The following CSMD2 variants were observed in gnomAD, a reference collection of about 807,000 sequenced individuals.
The protein encoded by CSMD2 is CUB and Sushi multiple domains 2.
In CSMD2, 130 loss-of-function variants were observed where a neutral mutation model predicts 398.5. The ratio of observed to expected loss-of-function variants is 0.33; its 90% CI spans 0.28 to 0.38. CSMD2 has a LOEUF of 0.38. Ranked by LOEUF, CSMD2 falls within the 10% of genes least tolerant of loss-of-function variation. CSMD2 has a pLI of 1.00. For synonymous variants in CSMD2, 1,828 were observed against 1,908.5 expected (o/e 0.96, Z 1.10); for missense variants, 3,829 against 4,764.9 (o/e 0.80, Z 5.78).
intron 3 of CSMD2, among the ~76,000 whole-genome samples, chr1:33,939,872 G>C (rs544231616): frequency 6.6e-6 from 1 of 152,298 alleles, no homozygotes; most frequent in Non-Finnish European, 1.5e-5. Flanking sequence ...CGATCTGGCT[G>C]CGCAATCTTG....
intron 4 of CSMD2, among the ~76,000 whole-genome samples, chr1:33,918,948 A>T (rs774457722): frequency 1.2e-4 from 19 of 152,228 alleles, no homozygotes; most frequent in Non-Finnish European, 2.6e-4. Context: ...CTAATGCTAG[A>T]TTCTCCTTTT....
At chr1:33,613,567 G>C (rs1641186121) in intron 40 of CSMD2, among the ~76,000 whole-genome samples, 1 of 152,154 alleles carries the variant, frequency 6.6e-6, no homozygotes, top group South Asian at 2.1e-4. Flanking sequence ...ATTTAGAGAA[G>C]GCCAGTTAGA....
chr1:33,687,104 CAAAT>C (rs1645084967), intron 25 of CSMD2, among the ~76,000 whole-genome samples: 1 of 152,138 alleles, frequency 6.6e-6, no homozygotes, highest in Non-Finnish European at 1.5e-5. Context: ...AGCAACACAG[CAAAT>C]AAGAGTTCAG....
upstream of CSMD2, among the ~76,000 whole-genome samples, chr1:34,165,547 C>T (rs1026688334): frequency 6.6e-5 from 10 of 152,066 alleles, no homozygotes; most frequent in Non-Finnish European, 1.2e-4. Context: ...CTCCTGTTTT[C>T]ATTTATAACA....
chr1:33,592,574 G>T, intron 44 of CSMD2: 1 of 703,394 alleles, frequency 1.4e-6, no homozygotes, highest in Non-Finnish European at 2.7e-6. Flanking sequence ...TTGTGTTAAG[G>T]TTTTGGATCT....
At chr1:33,526,955 G>GCTTCCAGTTGGAAGTTGCTGGCTCTTT (rs1654831648) in intron 65 of CSMD2, among the ~76,000 whole-genome samples, 2 of 152,226 alleles carry the variant, frequency 1.3e-5, no homozygotes, top group Non-Finnish European at 2.9e-5. Flanking sequence ...CAGTTCCAGA[G>GCTTCCAGTTGGAAGTTGCTGGCTCTTT]CTTCCAGTTG....
At chr1:34,155,513 G>C (rs1640732656) in intron 1 of CSMD2, among the ~76,000 whole-genome samples, 2 of 152,174 alleles carry the variant, frequency 1.3e-5, no homozygotes, top group South Asian at 4.2e-4. Context: ...TTGGGGAAAA[G>C]GCTGTGACCA....
At chr1:33,792,984 A>G (rs1310314641) in intron 10 of CSMD2, among the ~76,000 whole-genome samples, 12 of 152,158 alleles carry the variant, frequency 7.9e-5, no homozygotes, top group Non-Finnish European at 1.3e-4. Context: ...TTGTTGAATA[A>G]ATGAATGTTC....
At chr1:33,977,889 A>G (rs1293451583) in intron 3 of CSMD2, among the ~76,000 whole-genome samples, 2 of 152,172 alleles carry the variant, frequency 1.3e-5, no homozygotes, top group Non-Finnish European at 2.9e-5. Context: ...AACAGCTTCT[A>G]TAAACTACTG....
chr1:33,714,510 T>A, intron 21 of CSMD2, 77 bp downstream of exon 21: 2 of 1,513,560 alleles, frequency 1.3e-6, no homozygotes, highest in South Asian at 2.4e-5. Flanking sequence ...CTGTGTGCCG[T>A]CCACCACCTC....
chr1:34,137,500 T>C (rs1024475583), intron 1 of CSMD2, among the ~76,000 whole-genome samples: 3 of 152,140 alleles, frequency 2.0e-5, no homozygotes, highest in Non-Finnish European at 4.4e-5. Context: ...GGCTCAAAAC[T>C]ACCCTGTAAC....
chr1:33,874,030 A>G (rs557984036), intron 5 of CSMD2, among the ~76,000 whole-genome samples: 9 of 152,088 alleles, frequency 5.9e-5, no homozygotes, highest in Non-Finnish European at 1.2e-4. Flanking sequence ...TGATGCTCCA[A>G]CTCCCTTGTG....
chr1:33,828,874 G>A (rs1000719233), intron 6 of CSMD2, among the ~76,000 whole-genome samples: 11 of 152,310 alleles, frequency 7.2e-5, no homozygotes, highest in South Asian at 4.1e-4. Context: ...ATCATGCAAC[G>A]CAAGCTTGAG....
At chr1:33,770,847 C>T (rs553071338) in intron 13 of CSMD2, among the ~76,000 whole-genome samples, 6 of 152,300 alleles carry the variant, frequency 3.9e-5, no homozygotes, top group Admixed American at 2.0e-4. Context: ...TGGAGGCTGC[C>T]GGCCCTGCTT....
chr1:33,896,236 A>T (rs905690133), intron 5 of CSMD2, among the ~76,000 whole-genome samples: 6 of 151,434 alleles, frequency 4.0e-5, no homozygotes, highest in Non-Finnish European at 8.8e-5. Context: ...AGGGGGTAGG[A>T]GGGTAAGGAG....
In CSMD2 at chr1:33,865,444, G is replaced by A. The variant is rs150174686; in HGVS notation, c.921-18448C>T. Among the ~76,000 whole-genome samples, 39 of 150,272 alleles carry A rather than the reference G, an allele frequency of 2.6e-4. 1 individual carries two copies. In the South Asian group the frequency reaches 7.0e-3, roughly 27 times the overall value. ...AGGGGGCTGGGGAACCAGATCAATC[G>A]TTTTTCAGTGGATAGATGTATAATA... On this transcript the variant is annotated intron_variant, in intron 5 of 70. Coordinates refer to ENST00000373381, the MANE Select transcript of CSMD2 (RefSeq NM_001281956.2).
intron 40 of CSMD2, among the ~76,000 whole-genome samples, chr1:33,614,282 T>C (rs903533419): frequency 1.3e-5 from 2 of 152,108 alleles, no homozygotes; most frequent in Admixed American, 6.5e-5. Flanking sequence ...CAAATAATAA[T>C]AATGGCAACC....
chr1:34,112,139 T>C (rs1661160928), intron 1 of CSMD2, among the ~76,000 whole-genome samples: 1 of 152,012 alleles, frequency 6.6e-6, no homozygotes, highest in Non-Finnish European at 1.5e-5. Flanking sequence ...CCTCTTACAG[T>C]CTCTATAAAA....
intron 1 of CSMD2, among the ~76,000 whole-genome samples, chr1:34,115,641 A>G (rs554467561): frequency 6.6e-6 from 1 of 152,238 alleles, no homozygotes; most frequent in Non-Finnish European, 1.5e-5. Context: ...AAAAATATAT[A>G]ACTCTCTAGT....
Sources: allele counts gnomAD v4.1 joint callset (sites outside exome capture counted in the v4.1 genomes callset), GRCh38; gene constraint gnomAD v4.1.1; transcripts MANE v1.5; gene names NCBI Gene and HGNC (gene_info 2026-07-23, HGNC 2026-07-21).